The following GDF10 variants were observed in gnomAD, a reference collection of about 807,000 sequenced individuals.
The protein encoded by GDF10 is growth/differentiation factor 10.
Under a neutral mutation model 32.1 loss-of-function variants are expected in GDF10, and 23 were observed. The ratio of observed to expected loss-of-function variants is 0.72; its 90% confidence interval spans 0.52 to 1.02. The LOEUF is 1.02. Among genes scored for constraint, GDF10 ranks in the 50% least tolerant of loss-of-function variants. The pLI, the probability that GDF10 is intolerant of heterozygous loss-of-function variation, is 0.00. For synonymous variants in GDF10, 328 were observed against 303.1 expected (o/e 1.08, Z -0.85); for missense variants, 764 against 673.9 (o/e 1.13, Z -1.48).
chr10:47,300,559 C>T lies in GDF10; in HGVS notation c.-93C>T, dbSNP rs1190123300. On this transcript the variant is annotated 5_prime_UTR_variant, in exon 1 of 3. Transcript: ENST00000580279. Reference sequence around the variant, plus strand: ...CTGCTGCCCGGGCTCTCCCCGCGCGCCCTACTGCCGCGAGGTCAGTCCGCA... The same window carrying T: ...CTGCTGCCCGGGCTCTCCCCGCGCGTCCTACTGCCGCGAGGTCAGTCCGCA... The T allele has an allele frequency of 1.7e-6, 2 of 1,208,086 alleles. No individual in the cohort carries two copies. Among genetic ancestry groups the T allele is most frequent in the African/African-American group, 3.2e-5 (2 of 62,302 alleles). The allele number at this position is 1,208,086 out of a possible 1,614,324, so 74.8% of individuals were successfully genotyped here. A position where few individuals can be genotyped will look rare whatever the true frequency, so the allele number is the denominator to read the frequency against.
In GDF10 at chr10:47,309,925, G is replaced by A. The variant is rs2061037385; in HGVS notation, c.449G>A (p.Cys150Tyr). Residue 150 changes from cysteine (C) to tyrosine (Y), a missense_variant, in exon 2 of 3, where the codon TGC (cysteine) becomes TAC (tyrosine). Coordinates refer to ENST00000580279, the MANE Select transcript of GDF10 (RefSeq NM_004962.5). ...PRWPRALEVLCKPRAKNASGR... is the reference protein window; with the variant it reads ...PRWPRALEVLYKPRAKNASGR... Reference sequence around the variant, plus strand: ...TGGCCTCGAGCGCTCGAGGTGCTATGCAAGCCGCGGGCCAAGAACGCTTCA... The same window carrying A: ...TGGCCTCGAGCGCTCGAGGTGCTATACAAGCCGCGGGCCAAGAACGCTTCA... The A allele has an allele frequency of 1.2e-6, 2 of 1,612,586 alleles. No homozygotes were observed. Among genetic ancestry groups the A allele is most frequent in the African/African-American group, 1.3e-5 (1 of 74,938 alleles).
At chr10:47,312,552 G>T in intron 2 of GDF10, 49 bp from the exon 3 acceptor site, 1 of 1,251,878 alleles carries the variant, frequency 8.0e-7, no homozygotes, top group Non-Finnish European at 1.1e-6. Flanking sequence ...GGGTGCGTGG[G>T]TGGGTGAGGG....
chr10:47,310,944 T>C (rs1402364121), intron 2 of GDF10, among the ~76,000 whole-genome samples: 1 of 152,210 alleles, frequency 6.6e-6, no homozygotes, highest in Non-Finnish European at 1.5e-5. Context: ...TTTTGAAGTA[T>C]TGGCTTGGTT....
chr10:47,307,293 AAG>A (rs1442461483), intron 1 of GDF10, among the ~76,000 whole-genome samples: 5 of 152,318 alleles, frequency 3.3e-5, no homozygotes, highest in African/African-American at 7.2e-5. Flanking sequence ...GAAAAGGGGA[AAG>A]AGGGGAAGAA....
chr10:47,305,985 A>G (rs2061021728), intron 1 of GDF10, among the ~76,000 whole-genome samples: 1 of 152,226 alleles, frequency 6.6e-6, no homozygotes, highest in Non-Finnish European at 1.5e-5. Flanking sequence ...TCCAGAACAC[A>G]TGGAGGAGCA....
intron 1 of GDF10, among the ~76,000 whole-genome samples, chr10:47,303,432 G>A (rs1555206987): frequency 6.6e-6 from 1 of 152,240 alleles, no homozygotes; most frequent in Non-Finnish European, 1.5e-5. Context: ...ATCTGGGCAA[G>A]GGACTGAACT....
intron 1 of GDF10, among the ~76,000 whole-genome samples, chr10:47,303,487 T>A (rs2061011629): frequency 1.3e-5 from 2 of 152,174 alleles, no homozygotes; most frequent in African/African-American, 2.4e-5. Flanking sequence ...GAGCTAATAG[T>A]GCTCCCCTCC....
chr10:47,300,585 GCCTC>G lies in GDF10; in HGVS notation c.-65_-62del, dbSNP rs1347263819. ...CCTACTGCCGCGAGGTCAGTCCGCA[GCCTC>G]CGGTGCGCCAGCGCTCGCCTTCCTC... is the stretch of plus-strand genomic sequence containing the variant. On this transcript the variant is annotated 5_prime_UTR_variant, in exon 1 of 3. Coordinates refer to ENST00000580279, the MANE Select transcript of GDF10 (RefSeq NM_004962.5). 24 of 1,449,060 alleles carry G rather than the reference GCCTC, an allele frequency of 1.7e-5. No individual in the cohort carries two copies. Among genetic ancestry groups the G allele is most frequent in the Non-Finnish European group, 2.1e-5 (23 of 1,080,022 alleles). 89.8% of individuals were successfully genotyped at this position (1,449,060 alleles called of 1,614,324 possible).
chr10:47,312,222 G>A (rs977157705), intron 2 of GDF10, among the ~76,000 whole-genome samples: 7 of 152,216 alleles, frequency 4.6e-5, no homozygotes, highest in African/African-American at 1.7e-4. Flanking sequence ...CGAGACCAGG[G>A]CTGTGCTGGC....
intron 1 of GDF10, among the ~76,000 whole-genome samples, chr10:47,307,417 T>C (rs1481968740): frequency 6.6e-6 from 1 of 152,208 alleles, no homozygotes; most frequent in African/African-American, 2.4e-5. Context: ...TTCTCTCTTA[T>C]GGCTTGGGCT....
Position 47,300,606 on chromosome 10 carries a change from G to C in GDF10, c.-46G>C. ...CGCAGCCTCCGGTGCGCCAGCGCTC[G>C]CCTTCCTCCTCCTGGACTTCGGCCC... On this transcript the variant is annotated 5_prime_UTR_variant, in exon 1 of 3. Coordinates refer to ENST00000580279, the MANE Select transcript of GDF10 (RefSeq NM_004962.5). 6.6e-7 allele frequency: 1 copy of C among 1,512,398 alleles called. No individual in the cohort carries two copies. Among genetic ancestry groups the C allele is most frequent in the Non-Finnish European group, 8.9e-7 (1 of 1,128,268 alleles). 93.7% of individuals were successfully genotyped at this position (1,512,398 alleles called of 1,614,324 possible).
chr10:47,308,967 G>C (rs1392325540), intron 1 of GDF10, among the ~76,000 whole-genome samples: 1 of 152,190 alleles, frequency 6.6e-6, no homozygotes, highest in East Asian at 1.9e-4. Context: ...TGGTGCCCTG[G>C]GGAACGCCTG....
Position 47,313,413 on chromosome 10 carries a change from G to A in GDF10, c.*621G>A, listed in dbSNP as rs1392878291. 2 of 152,634 alleles carry A rather than the reference G, an allele frequency of 1.3e-5. No individual in the cohort carries two copies. The highest frequency in any genetic ancestry group is 4.8e-5 in the African/African-American group (2 of 41,548). 9.5% of individuals were successfully genotyped at this position (152,634 alleles called of 1,614,324 possible). On this transcript the variant is annotated 3_prime_UTR_variant, in exon 3 of 3. Coordinates refer to ENST00000580279, the MANE Select transcript of GDF10 (RefSeq NM_004962.5). Reference sequence around the variant, plus strand: ...GAGATAGTCATGCTGAGTGTGGGTTGTTTAAACATGCATATTGAAATAACA... The same window carrying A: ...GAGATAGTCATGCTGAGTGTGGGTTATTTAAACATGCATATTGAAATAACA...
At position 47,310,067 on chromosome 10, in the gene GDF10, G is replaced by A. The variant is rs1382924562; in HGVS notation, c.591G>A (p.Pro197=). The A allele has an allele frequency of 1.2e-6, 2 of 1,605,636 alleles. No homozygotes were observed. The highest frequency in any genetic ancestry group is 1.7e-5 in the Admixed American group (1 of 59,788). The change falls in exon 2 of 3, where the codon CCG becomes CCA. Residue 197 remains proline (P), a synonymous_variant. Coordinates refer to ENST00000580279, the MANE Select transcript of GDF10 (RefSeq NM_004962.5). ...LRGAMALAPP[P]RGLWQAKDIS... is the part of the protein sequence containing the mutation. ...GGGCCATGGCCCTGGCGCCCCCACC[G>A]CGCGGCCTGTGGCAGGCCAAGGACA...
At position 47,310,180 on chromosome 10, in the gene GDF10, C is replaced by T; in HGVS notation, c.704C>T (p.Pro235Leu). The T allele has an allele frequency of 6.2e-7, 1 of 1,611,752 alleles. No homozygotes were observed. The highest frequency in any genetic ancestry group is 8.5e-7 in the Non-Finnish European group (1 of 1,179,294). The change falls in exon 2 of 3, where the codon CCC becomes CTC. Residue 235 changes from proline to leucine, a missense_variant. By Grantham distance (98) the Pro-to-Leu change is moderately conservative. Coordinates refer to ENST00000580279, the MANE Select transcript of GDF10 (RefSeq NM_004962.5). ...TCTGAGGAGAGGGACCCGGGGGTGC[C>T]CCGGCCCAGCCCCTATGCGCCCTAC... is the stretch of plus-strand genomic sequence containing the variant. ...LDSEERDPGV[P>L]RPSPYAPYIL...
chr10:47,304,835 A>G (rs1480319784), intron 1 of GDF10, among the ~76,000 whole-genome samples: 3 of 152,164 alleles, frequency 2.0e-5, no homozygotes, highest in South Asian at 4.1e-4. Flanking sequence ...GCTATTTGCA[A>G]TTCTTCCTGT....
At position 47,300,920 on chromosome 10, in the gene GDF10, G is replaced by A. The variant is rs782313680; in HGVS notation, c.269G>A (p.Gly90Asp). The A allele has an allele frequency of 1.3e-6, 2 of 1,551,688 alleles. No individual in the cohort carries two copies. The change falls in exon 1 of 3, where the codon GGC becomes GAC. Residue 90 changes from glycine to aspartate, a missense_variant. By Grantham distance (94) the Gly-to-Asp change is moderately conservative. Transcript: ENST00000580279. ...CTCTATGAGAAGTACAGCCGGCAGG[G>A]CGCGCGGCCGGGAGGGGGCAACACG... is the stretch of plus-strand genomic sequence containing the variant. ...HRLYEKYSRQ[G>D]ARPGGGNTVR...
intron 1 of GDF10, among the ~76,000 whole-genome samples, chr10:47,301,493 T>C (rs1311578370): frequency 8.5e-5 from 13 of 152,188 alleles, no homozygotes; most frequent in Non-Finnish European, 1.6e-4. Flanking sequence ...CGGACTGGCA[T>C]GAAGCGTTCA....
chr10:47,307,040 T>C (rs1555207225), intron 1 of GDF10, among the ~76,000 whole-genome samples: 1 of 152,054 alleles, frequency 6.6e-6, no homozygotes, highest in African/African-American at 2.4e-5. Flanking sequence ...CAGTGCTCTT[T>C]AAAACTGTGA....
Sources: gnomAD v4.1 joint callset for allele counts (sites outside exome capture counted in the v4.1 genomes callset) on GRCh38, gnomAD v4.1.1 for gene constraint, MANE v1.5 for transcripts, NCBI Gene and HGNC (gene_info 2026-07-23, HGNC 2026-07-21) for gene names.